MAP4K4: variants seen among roughly 807,000 people sequenced by gnomAD.
The protein encoded by MAP4K4 is HPK/GCK-like kinase HGK.
MAP4K4 carries 38 observed loss-of-function variants against 189.6 expected under a neutral mutation model. That is an observed-to-expected ratio of 0.20 (90% confidence interval 0.15 to 0.26). The LOEUF (loss-of-function observed/expected upper bound fraction) is 0.26. Among genes scored for constraint, MAP4K4 ranks in the 10% least tolerant of loss-of-function variants. The pLI is 1.00. For missense variants in MAP4K4, 1,054 were observed against 1,726.9 expected (o/e 0.61, Z 6.91); for synonymous variants, 610 against 624.3 (o/e 0.98, Z 0.34).
chr2:101,784,440 G>A (rs1224085593), intron 2 of MAP4K4, among the ~76,000 whole-genome samples: 2 of 152,062 alleles, frequency 1.3e-5, no homozygotes, highest in African/African-American at 4.8e-5. Flanking sequence ...GCATTAATAG[G>A]CTTCACTATT....
intron 27 of MAP4K4, among the ~76,000 whole-genome samples, 171 bp from the exon 28 acceptor site, chr2:101,882,380 T>G (rs1282724857): frequency 1.3e-5 from 2 of 152,178 alleles, no homozygotes; most frequent in Non-Finnish European, 2.9e-5. Flanking sequence ...TATTCTGGAT[T>G]ATGACTCCCT....
At chr2:101,832,704 A>G (rs2096624876) in intron 7 of MAP4K4, among the ~76,000 whole-genome samples, 1 of 152,250 alleles carries the variant, frequency 6.6e-6, no homozygotes, top group South Asian at 2.1e-4. Context: ...TAATTAATAC[A>G]AAGTTGGTAA....
In MAP4K4 at chr2:101,698,146, GC is replaced by G; in HGVS notation, c.57+12del. On this transcript the variant is annotated intron_variant, in intron 1 of 32. Coordinates refer to ENST00000324219, the Ensembl canonical transcript of MAP4K4. ...ACCTCTCCTCCCTGCGGGTGAGTGG[GC>G]CCGCGAGCGGGCGCGCGGGGAGCGG... The G allele has an allele frequency of 2.5e-6, 3 of 1,208,462 alleles. No individual in the cohort carries two copies. The highest frequency in any genetic ancestry group is 3.2e-6 in the Non-Finnish European group (3 of 936,548). 74.9% of individuals were successfully genotyped at this position (1,208,462 alleles called of 1,614,324 possible).
At chr2:101,842,661 T>C in exon 11 of MAP4K4, 1 of 1,608,476 alleles carries the variant, frequency 6.2e-7, no homozygotes, top group African/African-American at 1.3e-5. Context: ...AGGAAGTGCC[T>C]GAACAGGAAG....
intron 12 of MAP4K4, among the ~76,000 whole-genome samples, chr2:101,847,541 T>G (rs770365412): frequency 6.6e-6 from 1 of 152,216 alleles, no homozygotes; most frequent in Non-Finnish European, 1.5e-5. Context: ...ATGTGTATGT[T>G]TGTGTGTCAC....
chr2:101,743,197 C>T (rs924445546), intron 2 of MAP4K4, among the ~76,000 whole-genome samples: 1 of 152,120 alleles, frequency 6.6e-6, no homozygotes, highest in African/African-American at 2.4e-5. Flanking sequence ...CCTTAATTTT[C>T]AGGGCAACTC....
intron 2 of MAP4K4, among the ~76,000 whole-genome samples, chr2:101,782,301 A>G (rs2088043737): frequency 6.6e-6 from 1 of 152,174 alleles, no homozygotes; most frequent in Non-Finnish European, 1.5e-5. Context: ...TTTCATTCTT[A>G]ATAGAAGTCT....
intron 2 of MAP4K4, among the ~76,000 whole-genome samples, chr2:101,717,029 T>C (rs942107515): frequency 3.0e-4 from 45 of 152,088 alleles, no homozygotes; most frequent in African/African-American, 1.1e-3. Flanking sequence ...TTAATTACAG[T>C]GTTACAGTAT....
intron 29 of MAP4K4, 108 bp from the exon 30 acceptor site, chr2:101,886,963 TGCAGTGAGCCGAGATGG>T (rs2098495650): frequency 1.6e-6 from 1 of 635,152 alleles, no homozygotes; most frequent in Non-Finnish European, 2.6e-6. Context: ...AGGCGGAGCT[TGCAGTGAGCCGAGATGG>T]CGCCACTGCA....
intron 2 of MAP4K4, among the ~76,000 whole-genome samples, chr2:101,727,373 A>G (rs1488334786): frequency 1.3e-5 from 2 of 152,232 alleles, no homozygotes; most frequent in African/African-American, 2.4e-5. Flanking sequence ...AAAAAATGTT[A>G]TTTCCACAAA....
At chr2:101,877,043 G>A (rs1301709529) in exon 27 of MAP4K4, 1 of 1,614,024 alleles carries the variant, frequency 6.2e-7, no homozygotes, top group Non-Finnish European at 8.5e-7. Context: ...GCCTGATGCT[G>A]CTGGACAGAA....
exon 1 of MAP4K4, chr2:101,698,094 C>T: frequency 7.6e-7 from 1 of 1,323,430 alleles, no homozygotes; most frequent in Non-Finnish European, 1.0e-6. Flanking sequence ...GCGAACGACT[C>T]CCCTGCAAAA....
At chr2:101,882,392 G>A (rs1391112252) in intron 27 of MAP4K4, among the ~76,000 whole-genome samples, 159 bp from the exon 28 acceptor site, 2 of 152,102 alleles carry the variant, frequency 1.3e-5, no homozygotes, top group Non-Finnish European at 2.9e-5. Context: ...TGACTCCCTT[G>A]TCAGCTGTTT....
intron 2 of MAP4K4, among the ~76,000 whole-genome samples, chr2:101,744,917 A>G (rs1045025104): frequency 2.0e-5 from 3 of 152,168 alleles, no homozygotes; most frequent in Non-Finnish European, 4.4e-5. Context: ...GGAGTTTAGT[A>G]ACTTTCATGG....
chr2:101,763,801 A>G (rs2077435865), intron 2 of MAP4K4, among the ~76,000 whole-genome samples: 1 of 152,216 alleles, frequency 6.6e-6, no homozygotes, highest in Non-Finnish European at 1.5e-5. Flanking sequence ...TGTGAAATAC[A>G]GTTATTTTGT....
chr2:101,698,339 C>G, intron 1 of MAP4K4, 134 bp from the exon 2 acceptor site: 1 of 890,532 alleles, frequency 1.1e-6, no homozygotes, highest in Non-Finnish European at 1.8e-6. Context: ...CCGCGCGACC[C>G]CCGGGCGCTG....
At chr2:101,751,458 C>T (rs761022700) in intron 2 of MAP4K4, among the ~76,000 whole-genome samples, 1 of 152,198 alleles carries the variant, frequency 6.6e-6, no homozygotes, top group Non-Finnish European at 1.5e-5. Context: ...GTCTCAATGT[C>T]TCATCTGTAA....
At chr2:101,813,726 C>G (rs942388396) in intron 3 of MAP4K4, among the ~76,000 whole-genome samples, 3 of 152,150 alleles carry the variant, frequency 2.0e-5, no homozygotes, top group Non-Finnish European at 2.9e-5. Context: ...ACAAGATTTT[C>G]CCCATAAGGA....
intron 3 of MAP4K4, among the ~76,000 whole-genome samples, chr2:101,799,794 A>G (rs1219888946): frequency 1.3e-5 from 2 of 151,964 alleles, no homozygotes; most frequent in African/African-American, 4.8e-5. Context: ...GTAGAGACGA[A>G]GTCTTACTGT....
Sources: gnomAD v4.1 joint callset for allele counts (sites outside exome capture counted in the v4.1 genomes callset) on GRCh38, gnomAD v4.1.1 for gene constraint, MANE v1.5 for transcripts, NCBI Gene and HGNC (gene_info 2026-07-23, HGNC 2026-07-21) for gene names.